The following LY96 variants were observed in gnomAD, a reference collection of about 807,000 sequenced individuals.
LY96 encodes the protein myeloid differentiation protein-2.
Under a neutral mutation model 18.9 loss-of-function variants are expected in LY96, and 18 were observed. That is an observed-to-expected ratio of 0.95 (90% CI 0.66 to 1.41). The LOEUF (loss-of-function observed/expected upper bound fraction) is 1.41, where lower values mean the gene tolerates loss of function less well. Among genes scored for constraint, LY96 ranks in the 40% most tolerant of loss-of-function variants. The probability of loss-of-function intolerance (pLI) is 0.00; values close to 1 mark genes in which losing one functional copy is unlikely to be tolerated. For missense variants in LY96, 175 were observed against 182.4 expected, an observed-to-expected ratio of 0.96 and a Z score of 0.23; for synonymous variants, 66 against 62.6, an observed-to-expected ratio of 1.06 and a Z score of -0.26.
chr8:74,006,488 G>A (rs1177518097), intron 2 of LY96, among the ~76,000 whole-genome samples: 1 of 152,150 alleles, frequency 6.6e-6, no homozygotes, highest in Admixed American at 6.5e-5. Context: ...GCGAGCCACC[G>A]TGCCCAGCCA....
chr8:74,091,424 G>C, the LY96 span, among the ~76,000 whole-genome samples: 2 of 152,200 alleles, frequency 1.3e-5, no homozygotes, highest in Non-Finnish European at 2.9e-5. Context: ...GAAGATCAAA[G>C]ATTCTGGGCT....
chr8:74,080,990 C>CTTTCTT, the LY96 span, among the ~76,000 whole-genome samples: 2 of 78,926 alleles, frequency 2.5e-5, no homozygotes, highest in African/African-American at 1.5e-4. Context: ...CTCTCTCTTT[C>CTTTCTT]TTTCTTTCTT....
At chr8:74,063,928 C>G in the LY96 span, among the ~76,000 whole-genome samples, 1 of 152,052 alleles carries the variant, frequency 6.6e-6, no homozygotes, top group Admixed American at 6.6e-5. Flanking sequence ...TCATCCTCTC[C>G]AATCCTTGTG....
chr8:74,009,900 A>G (rs1472067550), intron 2 of LY96, 101 bp from the exon 3 acceptor site: 4 of 823,188 alleles, frequency 4.9e-6, no homozygotes, highest in Non-Finnish European at 8.2e-6. Flanking sequence ...GAAATAATGT[A>G]AGAAAAGCAC....
intron 3 of LY96, among the ~76,000 whole-genome samples, chr8:74,017,102 G>A (rs1000906965): frequency 2.0e-5 from 3 of 152,062 alleles, no homozygotes; most frequent in East Asian, 1.9e-4. Context: ...AACAAACTTC[G>A]CTGAGCTAAA....
At chr8:74,016,485 G>A (rs1404434366) in intron 3 of LY96, among the ~76,000 whole-genome samples, 22 of 152,218 alleles carry the variant, frequency 1.4e-4, no homozygotes, top group Admixed American at 1.4e-3. Flanking sequence ...AAAGGTCCCT[G>A]TCTGACAGCT....
At chr8:74,084,499 A>T in the LY96 span, among the ~76,000 whole-genome samples, 1 of 152,210 alleles carries the variant, frequency 6.6e-6, no homozygotes, top group South Asian at 2.1e-4. Context: ...GTTTTTAAGG[A>T]ATTTAAACAC....
At chr8:74,032,618 G>A (rs981830721), downstream of LY96, among the ~76,000 whole-genome samples, 1 of 152,232 alleles carries the variant, frequency 6.6e-6, no homozygotes, top group African/African-American at 2.4e-5. Context: ...ACGTGAGTCT[G>A]CCCGGTGCTT....
chr8:74,050,803 C>T, the LY96 span, among the ~76,000 whole-genome samples: 1 of 152,232 alleles, frequency 6.6e-6, no homozygotes, highest in Non-Finnish European at 1.5e-5. Context: ...GCAGGTGGAT[C>T]ACGAGGTCAG....
the LY96 span, among the ~76,000 whole-genome samples, chr8:74,049,702 A>T: frequency 2.0e-5 from 3 of 152,370 alleles, no homozygotes; most frequent in Admixed American, 2.0e-4. Context: ...CTCAAACCTC[A>T]GCCTTCCATG....
chr8:74,056,720 T>G, the LY96 span: 1 of 152,400 alleles, frequency 6.6e-6, no homozygotes, highest in African/African-American at 2.4e-5. Context: ...GAGAGTCCCC[T>G]AGGAGCTAAA....
the LY96 span, among the ~76,000 whole-genome samples, chr8:74,087,390 C>A: frequency 6.6e-6 from 1 of 152,128 alleles, no homozygotes; most frequent in African/African-American, 2.4e-5. Context: ...AGTTTAAGAA[C>A]CAGTGTCATT....
At chr8:73,995,880 A>G (rs901796996) in intron 1 of LY96, among the ~76,000 whole-genome samples, 4 of 152,326 alleles carry the variant, frequency 2.6e-5, no homozygotes, top group South Asian at 4.1e-4. Context: ...GCCCTTATGG[A>G]TTCAGTAAAA....
chr8:74,066,067 C>A, the LY96 span, among the ~76,000 whole-genome samples: 134 of 152,230 alleles, frequency 8.8e-4, no homozygotes, highest in Non-Finnish European at 1.2e-3. Flanking sequence ...ATAGCTTAGA[C>A]TGGATAATTT....
chr8:74,070,020 T>G, the LY96 span, among the ~76,000 whole-genome samples: 1 of 152,250 alleles, frequency 6.6e-6, no homozygotes, highest in Non-Finnish European at 1.5e-5. Context: ...AAAGTAGGGC[T>G]GGCTGGCTCT....
At chr8:74,006,934 G>C (rs1240493474) in intron 2 of LY96, among the ~76,000 whole-genome samples, 1 of 152,212 alleles carries the variant, frequency 6.6e-6, no homozygotes, top group Non-Finnish European at 1.5e-5. Context: ...ATTTCTTGGA[G>C]GAAACGCTTG....
chr8:74,065,514 A>C, the LY96 span, among the ~76,000 whole-genome samples: 307 of 152,356 alleles, frequency 2.0e-3, 1 homozygote, highest in African/African-American at 6.3e-3. Flanking sequence ...GTAAAGTATT[A>C]TGCAAACATG....
At chr8:74,002,277 T>C (rs1365508258) in intron 1 of LY96, among the ~76,000 whole-genome samples, 1 of 151,310 alleles carries the variant, frequency 6.6e-6, no homozygotes, top group Non-Finnish European at 1.5e-5. Flanking sequence ...GCTGGGATTA[T>C]AGCCATTATT....
chr8:74,031,880 T>G (rs149246644), downstream of LY96, among the ~76,000 whole-genome samples: 213 of 151,736 alleles, frequency 1.4e-3, no homozygotes, highest in African/African-American at 4.9e-3. Flanking sequence ...TCGCACCACT[T>G]TGGGAGGCCG....
Sources: gnomAD v4.1 joint callset for allele counts (sites outside exome capture counted in the v4.1 genomes callset) on GRCh38, gnomAD v4.1.1 for gene constraint, MANE v1.5 for transcripts, NCBI Gene and HGNC (gene_info 2026-07-23, HGNC 2026-07-21) for gene names.